TATDN2: variants seen among roughly 807,000 people sequenced by gnomAD.
TATDN2 encodes TatD DNase domain containing 2, also known as 3'-5' RNA nuclease TATDN2.
A neutral mutation model predicts 60.3 loss-of-function variants in TATDN2; 44 were observed. The observed-to-expected ratio is 0.73, with a 90% CI of 0.57 to 0.94. The LOEUF is 0.94. TATDN2 is among the 40% of genes least tolerant of loss of function. The pLI, the probability that TATDN2 is intolerant of heterozygous loss-of-function variation, is 0.00. For synonymous variants in TATDN2, 399 were observed against 355.8 expected (o/e 1.12, Z -1.37); for missense variants, 997 against 948.0 (o/e 1.05, Z -0.68).
At chr3:10,264,498 C>A (rs1698450416) in intron 3 of TATDN2, among the ~76,000 whole-genome samples, 2 of 152,102 alleles carry the variant, frequency 1.3e-5, no homozygotes, top group South Asian at 4.2e-4. Context: ...CGAATTTGTT[C>A]AGTACATCCT....
chr3:10,274,893 G>A (rs1698612478), intron 4 of TATDN2, among the ~76,000 whole-genome samples: 1 of 151,900 alleles, frequency 6.6e-6, no homozygotes. Flanking sequence ...GTATCTCATT[G>A]TTTGATGCTG....
intron 4 of TATDN2, among the ~76,000 whole-genome samples, chr3:10,273,145 A>T (rs1282674186): frequency 6.6e-6 from 1 of 152,200 alleles, no homozygotes; most frequent in Non-Finnish European, 1.5e-5. Context: ...TGAAGATGTC[A>T]TTTGGCTTGG....
At chr3:10,272,809 C>A (rs1025008171) in intron 4 of TATDN2, among the ~76,000 whole-genome samples, 1 of 150,662 alleles carries the variant, frequency 6.6e-6, no homozygotes, top group Admixed American at 6.6e-5. Context: ...CCAAGGCGAG[C>A]GGATCACCTG....
At position 10,271,023 on chromosome 3, in the gene TATDN2, G is replaced by T. The variant is rs186389647; in HGVS notation, c.1833+8G>T. The T allele has an allele frequency of 5.6e-5, 87 of 1,543,710 alleles. No individual in the cohort carries two copies. In the East Asian group the frequency reaches 1.9e-3, roughly 34 times the overall value. On this transcript the variant is annotated splice_region_variant and intron_variant, in intron 4 of 7. Transcript: ENST00000448281. ...GTCCCAGAACAGCACAAGGTAACAA[G>T]GCTCTCTTTAGTCTGCTTATAGTTT...
intron 3 of TATDN2, among the ~76,000 whole-genome samples, chr3:10,267,208 C>T (rs755275113): frequency 2.6e-5 from 4 of 151,654 alleles, no homozygotes; most frequent in Admixed American, 6.6e-5. Context: ...GGCGTGAGCC[C>T]CCTTGCCCGG....
chr3:10,249,812 G>A (rs1553627768), intron 2 of TATDN2, among the ~76,000 whole-genome samples, 198 bp downstream of exon 2: 1 of 152,182 alleles, frequency 6.6e-6, no homozygotes, highest in Admixed American at 6.5e-5. Context: ...AAGTAGAGAG[G>A]TAATTTTCAA....
chr3:10,266,720 T>G (rs2544002), intron 3 of TATDN2, among the ~76,000 whole-genome samples: 152,352 of 152,352 alleles, frequency 1, 76,176 homozygotes, highest in Non-Finnish European at 1. Context: ...ATTTACACCA[T>G]CAGGCATGGT....
chr3:10,269,936 C>T (rs1190751617), intron 3 of TATDN2, among the ~76,000 whole-genome samples, 195 bp from the exon 4 acceptor site: 1 of 152,138 alleles, frequency 6.6e-6, no homozygotes, highest in Non-Finnish European at 1.5e-5. Context: ...CTGTTCACAG[C>T]AGTAACTTGG....
In TATDN2 at chr3:10,278,566, G is replaced by C. The variant is rs1288047031; in HGVS notation, c.2145+104G>C. The C allele has an allele frequency of 6.8e-6, 10 of 1,481,250 alleles. No homozygotes were observed. The highest frequency in any genetic ancestry group is 9.4e-6 in the Non-Finnish European group (10 of 1,066,810). 91.8% of individuals were successfully genotyped at this position (1,481,250 alleles called of 1,614,324 possible). ...AGGGCCAGAGCCCCAGTGACTTCCA[G>C]GTCCCATCCTGGGCTGTGTAGATGC... is the stretch of plus-strand genomic sequence containing the variant. On this transcript the variant is annotated intron_variant, in intron 6 of 7. Coordinates refer to ENST00000448281, the MANE Select transcript of TATDN2 (RefSeq NM_014760.4). This position sits in a 1 kb window ranked among gnomAD's most constrained non-coding sequence, Gnocchi z 4.7.
At position 10,278,098 on chromosome 3, in the gene TATDN2, T is replaced by TG. The variant is rs912347856; in HGVS notation, c.1962-180dup. On this transcript the variant is annotated intron_variant, in intron 5 of 7. Coordinates refer to ENST00000448281, the MANE Select transcript of TATDN2 (RefSeq NM_014760.4). The surrounding 1 kb of genome is among the most constrained non-coding windows in gnomAD (Gnocchi z 4.7). The stretch of plus-strand genomic sequence containing the variant: ...GAGTGATCTCTGATCACTCACCAAG[T>TG]GCCATCTCGGGGCTTCCTGTGTTGG... Among the ~76,000 whole-genome samples the TG allele has an allele frequency of 6.6e-6, 1 of 152,142 alleles. No individual in the cohort carries two copies. The highest frequency in any genetic ancestry group is 1.5e-5 in the Non-Finnish European group (1 of 68,004).
chr3:10,256,676 C>T (rs1384464165), intron 2 of TATDN2, among the ~76,000 whole-genome samples: 1 of 152,056 alleles, frequency 6.6e-6, no homozygotes, highest in Admixed American at 6.6e-5. Context: ...GGAGCAGCTG[C>T]CCGTCTGAGG....
At chr3:10,249,836 T>G (rs1698195064) in intron 2 of TATDN2, among the ~76,000 whole-genome samples, 1 of 152,134 alleles carries the variant, frequency 6.6e-6, no homozygotes, top group Admixed American at 6.6e-5. Flanking sequence ...CGGCAGCACT[T>G]TGGAACTACT....
In TATDN2 at chr3:10,252,812, C is replaced by T. The variant is rs564171022; in HGVS notation, c.414+3198C>T. Among the ~76,000 whole-genome samples, 8 of 151,788 alleles carry T rather than the reference C, an allele frequency of 5.3e-5. 1 individual carries two copies. The highest frequency in any genetic ancestry group is 4.2e-4 in the South Asian group (2 of 4,800). ...TCAAGCGATCCTCCTGCCTCAGCCT[C>T]CCAAGTAGGTGGAACTCAGGCGTGT... On this transcript the variant is annotated intron_variant, in intron 2 of 7. Transcript: ENST00000448281.
chr3:10,251,850 T>TA (rs966648691), intron 2 of TATDN2, among the ~76,000 whole-genome samples: 7 of 108,262 alleles, frequency 6.5e-5, no homozygotes, highest in East Asian at 8.0e-4. Flanking sequence ...CCCTGCAGAT[T>TA]AAAAATTTTT....
At position 10,260,158 on chromosome 3, in the gene TATDN2, C is replaced by T. The variant is rs1698378017; in HGVS notation, c.436C>T (p.His146Tyr). Residue 146 changes from histidine (H) to tyrosine (Y), a missense_variant, in exon 3 of 8, where the codon CAT (histidine) becomes TAT (tyrosine). His to Tyr is a moderately conservative substitution (Grantham distance 83). Coordinates refer to ENST00000448281, the MANE Select transcript of TATDN2 (RefSeq NM_014760.4). ...CCAGGTTGATTCCAAAGATAGTTCT[C>T]ATAACTCCACAAACTCTGAATTTGC... ...SLKVDSKDSS[H>Y]NSTNSEFAAE... is the part of the protein sequence containing the mutation. 1.2e-6 allele frequency: 2 copies of T among 1,612,276 alleles called. No individual in the cohort carries two copies. The highest frequency in any genetic ancestry group is 1.1e-5 in the South Asian group (1 of 90,604).
At chr3:10,263,608 C>G (rs989286425) in intron 3 of TATDN2, among the ~76,000 whole-genome samples, 3 of 152,106 alleles carry the variant, frequency 2.0e-5, no homozygotes, top group Non-Finnish European at 4.4e-5. Context: ...TCCAAGAGCT[C>G]TTTTGTTTTT....
In TATDN2 at chr3:10,257,841, ATTTTTTTTTTTT is replaced by A. The variant is rs553265148; in HGVS notation, c.415-2272_415-2261del. On this transcript the variant is annotated intron_variant, in intron 2 of 7. Transcript: ENST00000448281. ...AAGTATAGATTTCTAAAGGTTTATG[ATTTTTTTTTTTT>A]TTTTTTTTTTTTTTTTTTTTTTTGG... Among the ~76,000 whole-genome samples the A allele has an allele frequency of 2.4e-3, 74 of 30,306 alleles. 1 individual carries two copies. Among genetic ancestry groups the A allele is most frequent in the South Asian group, 4.3e-3 (2 of 470 alleles). The allele number at this position is 30,306 out of a possible 152,430, so 19.9% of individuals were successfully genotyped here.
At chr3:10,254,061 A>G (rs765281569) in intron 2 of TATDN2, among the ~76,000 whole-genome samples, 1 of 152,196 alleles carries the variant, frequency 6.6e-6, no homozygotes, top group Admixed American at 6.5e-5. Context: ...AGCACTGGGT[A>G]TTGAGGCTCT....
At chr3:10,265,283 G>A (rs1698461531) in intron 3 of TATDN2, among the ~76,000 whole-genome samples, 1 of 149,636 alleles carries the variant, frequency 6.7e-6, no homozygotes. Flanking sequence ...CACCATGCTG[G>A]TCAGGCTGGT....
Sources: allele counts gnomAD v4.1 joint callset (sites outside exome capture counted in the v4.1 genomes callset), GRCh38; gene constraint gnomAD v4.1.1; non-coding constraint Gnocchi (gnomAD v3.1); transcripts MANE v1.5; gene names NCBI Gene and HGNC (gene_info 2026-07-23, HGNC 2026-07-21).